Variants in LANCL3 observed in about 807,000 individuals in gnomAD.
LANCL3 encodes the protein lanC-like protein 3.
In LANCL3, 19 loss-of-function variants were observed where a neutral mutation model predicts 26.5. The observed-to-expected ratio is 0.72, with a 90% CI of 0.50 to 1.05. The LOEUF is 1.05. LANCL3 is among the 50% of genes least tolerant of loss of function. The probability of loss-of-function intolerance (pLI) is 0.00; values close to 1 mark genes in which losing one functional copy is unlikely to be tolerated. For missense variants in LANCL3, 318 were observed against 362.7 expected (o/e 0.88, Z 1.00); for synonymous variants, 160 against 166.6 (o/e 0.96, Z 0.30).
chrX:37,574,457 C>G (rs1923692119), intron 1 of LANCL3, among the ~76,000 whole-genome samples: 1 of 111,894 alleles, frequency 8.9e-6, no homozygotes, highest in Non-Finnish European at 1.9e-5. Context: ...ATCCTCCCCA[C>G]ATTACTGGGC....
intron 1 of LANCL3, among the ~76,000 whole-genome samples, chrX:37,618,505 C>T (rs930693567): frequency 7.2e-5 from 8 of 111,859 alleles, no homozygotes; most frequent in African/African-American, 2.3e-4. Flanking sequence ...GTTCTGAAGG[C>T]CAGATGTCAG....
Position 37,572,068 on chromosome X carries a change from T to C in LANCL3, c.198T>C (p.Tyr66=). The C allele has an allele frequency of 8.5e-7, 1 of 1,176,175 alleles. No individual in the cohort carries two copies. Among genetic ancestry groups the C allele is most frequent in the Non-Finnish European group, 1.1e-6 (1 of 880,234 alleles). ...CTAGCGCCTGCCAGGGGGGGCTTTA[T>C]GGCGGCGTGGCCGGAGTGGCGTATA... is the stretch of plus-strand genomic sequence containing the variant. The part of the protein sequence containing the change: ...AGASACQGGL[Y]GGVAGVAYML... Residue 66 remains tyrosine, a synonymous_variant, in exon 1 of 5, where the codon TAT becomes TAC. Transcript: ENST00000378619.
In LANCL3 at chrX:37,665,374, A is replaced by C. The variant is rs782379281; in HGVS notation, c.896-1908A>C. Among the ~76,000 whole-genome samples, 20 of 111,657 alleles carry C rather than the reference A, an allele frequency of 1.8e-4. 1 individual carries two copies. The highest frequency in any genetic ancestry group is 2.8e-4 in the Non-Finnish European group (15 of 53,142). ...CTTTGCCCTTGCTAATCTTAGTGCT[A>C]GATAGAATGCCCTCCCTGCTTCATC... On this transcript the variant is annotated intron_variant, in intron 3 of 4. Coordinates refer to ENST00000378619, the MANE Select transcript of LANCL3 (RefSeq NM_001170331.2).
intron 1 of LANCL3, among the ~76,000 whole-genome samples, chrX:37,630,752 T>A (rs1312766818): frequency 9.0e-6 from 1 of 110,634 alleles, no homozygotes; most frequent in Admixed American, 9.6e-5. Flanking sequence ...CTGGATTACA[T>A]TTATTGATTT....
At chrX:37,632,850 T>A (rs1488014934) in intron 1 of LANCL3, among the ~76,000 whole-genome samples, 5 of 111,324 alleles carry the variant, frequency 4.5e-5, no homozygotes, top group Admixed American at 2.9e-4. Flanking sequence ...CTTCCCTTTG[T>A]GGGTAACCCG....
chrX:37,594,739 C>A (rs1924379223), intron 1 of LANCL3, among the ~76,000 whole-genome samples: 1 of 112,046 alleles, frequency 8.9e-6, no homozygotes, highest in African/African-American at 3.2e-5. Context: ...GGCAAAGCTT[C>A]TAAACCAGTC....
At chrX:37,675,181 A>G (rs150888985) in intron 4 of LANCL3, among the ~76,000 whole-genome samples, 269 of 112,146 alleles carry the variant, frequency 2.4e-3, no homozygotes, top group Non-Finnish European at 3.6e-3. Context: ...CACAGATTGT[A>G]TAAAATCTTG....
intron 1 of LANCL3, among the ~76,000 whole-genome samples, chrX:37,594,129 A>G (rs1462888032): frequency 2.7e-5 from 3 of 111,770 alleles, no homozygotes; most frequent in African/African-American, 9.7e-5. Context: ...GTGAAAAGAT[A>G]GATGATTAGA....
chrX:37,624,683 T>G (rs1556422774), intron 1 of LANCL3, among the ~76,000 whole-genome samples: 1 of 111,960 alleles, frequency 8.9e-6, no homozygotes, highest in African/African-American at 3.2e-5. Context: ...TTAGTACTAA[T>G]TGTGGCCAAA....
chrX:37,640,722 TC>T (rs1925840604), intron 1 of LANCL3, among the ~76,000 whole-genome samples: 1 of 111,505 alleles, frequency 9.0e-6, no homozygotes, highest in Non-Finnish European at 1.9e-5. Flanking sequence ...GCCAGTAGGC[TC>T]CCCAGCTGCA....
chrX:37,623,946 T>A (rs1324646757), intron 1 of LANCL3, among the ~76,000 whole-genome samples: 3 of 112,446 alleles, frequency 2.7e-5, no homozygotes, highest in Non-Finnish European at 5.6e-5. Flanking sequence ...CATATAGATC[T>A]GCCTTATTGC....
intron 1 of LANCL3, among the ~76,000 whole-genome samples, chrX:37,581,981 T>G: frequency 9.1e-6 from 1 of 110,321 alleles, no homozygotes; most frequent in African/African-American, 3.3e-5. Context: ...CCTTCCTGTG[T>G]CCAAGTGTTC....
rs782218324 is a variant in LANCL3 at position 37,612,392 on chromosome X, A to C, written c.573+39949A>C. Among the ~76,000 whole-genome samples, 7 of 111,543 alleles carry C rather than the reference A, an allele frequency of 6.3e-5. No homozygotes were observed. In the South Asian group the frequency reaches 2.7e-3, roughly 42 times the overall value. On this transcript the variant is annotated intron_variant, in intron 1 of 4. Coordinates refer to ENST00000378619, the MANE Select transcript of LANCL3 (RefSeq NM_001170331.2). ...TTGAACACCAGTGCTTCAAGCTGAG[A>C]GCCCAGGAGAGAGATCAGGTGATGT... is the stretch of plus-strand genomic sequence containing the variant.
In LANCL3 at chrX:37,677,609, TAGC is replaced by T. The variant is rs1380512422; in HGVS notation, c.*1800_*1802del. On this transcript the variant is annotated 3_prime_UTR_variant, in exon 5 of 5. Coordinates refer to ENST00000378619, the MANE Select transcript of LANCL3 (RefSeq NM_001170331.2). ...TCAGTTTGGGGTGATACCACATAAATAGCAGCTTTCAGATGACTCCCCACATTG... is the reference window on the plus strand; with the variant it reads ...TCAGTTTGGGGTGATACCACATAAATAGCTTTCAGATGACTCCCCACATTG... 20 of 112,101 alleles carry T rather than the reference TAGC, an allele frequency of 1.8e-4. No homozygotes were observed. In the East Asian group the frequency reaches 5.0e-3, roughly 28 times the overall value. The allele number at this position is 112,101 out of a possible 1,213,427, so 9.2% of individuals were successfully genotyped here. A position where few individuals can be genotyped will look rare whatever the true frequency, so the allele number is the denominator to read the frequency against.
chrX:37,591,938 G>A (rs1226460010), intron 1 of LANCL3, among the ~76,000 whole-genome samples: 1 of 110,515 alleles, frequency 9.0e-6, no homozygotes, highest in Non-Finnish European at 1.9e-5. Flanking sequence ...CTCCACCTGG[G>A]CCCTCCACAC....
chrX:37,573,383 A>G (rs7885864), intron 1 of LANCL3, among the ~76,000 whole-genome samples: 17,568 of 111,429 alleles, frequency 0.16, 1,825 homozygotes, highest in African/African-American at 0.38. Flanking sequence ...ACTTGGCTTT[A>G]TTTAGGTGAG....
At chrX:37,658,986 T>A (rs1403922070) in intron 2 of LANCL3, among the ~76,000 whole-genome samples, 2 of 112,689 alleles carry the variant, frequency 1.8e-5, no homozygotes, top group African/African-American at 6.5e-5. Context: ...AATAAATGTT[T>A]AGGATACCTA....
In LANCL3 at chrX:37,682,676, T is replaced by C. The variant is rs782120128; in HGVS notation, c.*6863T>C. The C allele has an allele frequency of 1.2e-4, 14 of 112,642 alleles. No individual in the cohort carries two copies. Among genetic ancestry groups the C allele is most frequent in the Non-Finnish European group, 2.4e-4 (13 of 53,369 alleles). 9.3% of individuals were successfully genotyped at this position (112,642 alleles called of 1,213,427 possible). ...ATATATTCAAACATGTGGATTGATTTAGATCATCCGTTTTGTCTTTGTTTT... is the reference window on the plus strand; with the variant it reads ...ATATATTCAAACATGTGGATTGATTCAGATCATCCGTTTTGTCTTTGTTTT... On this transcript the variant is annotated 3_prime_UTR_variant, in exon 5 of 5. Coordinates refer to ENST00000378619, the MANE Select transcript of LANCL3 (RefSeq NM_001170331.2).
intron 1 of LANCL3, among the ~76,000 whole-genome samples, chrX:37,647,517 A>C: frequency 8.9e-6 from 1 of 112,371 alleles, no homozygotes; most frequent in Admixed American, 9.4e-5. Context: ...TCCTACCAAC[A>C]GGATGATGAG....
Sources: gnomAD v4.1 joint callset for allele counts (sites outside exome capture counted in the v4.1 genomes callset) on GRCh38, gnomAD v4.1.1 for gene constraint, MANE v1.5 for transcripts, NCBI Gene and HGNC (gene_info 2026-07-23, HGNC 2026-07-21) for gene names.